The following STXBP6 variants were observed in gnomAD, a reference collection of about 807,000 sequenced individuals.
STXBP6 encodes syntaxin binding protein 6.
A neutral mutation model predicts 26.9 loss-of-function variants in STXBP6; 21 were observed. That is an observed-to-expected ratio of 0.78 (90% CI 0.55 to 1.12). The LOEUF (loss-of-function observed/expected upper bound fraction) is 1.12. STXBP6 is among the 50% of genes most tolerant of loss of function. STXBP6 has a pLI of 0.00. For synonymous variants in STXBP6, 97 were observed against 92.6 expected (o/e 1.05, Z -0.27); for missense variants, 232 against 257.9 (o/e 0.90, Z 0.69).
Position 24,819,156 on chromosome 14 carries a change from T to C in STXBP6, c.490A>G (p.Ser164Gly). ...GCCTGGCTTGCCTTCTGCACTGCGC[T>C]GGTCACGCTGTCAGCAGCTGAATGG... ...ILHSAADSVTSAVQKASQALN... is the reference protein window; with the variant it reads ...ILHSAADSVTGAVQKASQALN... Residue 164 changes from serine to glycine, a missense_variant, in exon 5 of 6, where the codon AGC becomes GGC. Coordinates refer to ENST00000323944, the MANE Select transcript of STXBP6 (RefSeq NM_001394410.1). 1 of 1,614,156 alleles carries C rather than the reference T, an allele frequency of 6.2e-7. No individual in the cohort carries two copies. The highest frequency in any genetic ancestry group is 8.5e-7 in the Non-Finnish European group (1 of 1,180,014).
intron 2 of STXBP6, among the ~76,000 whole-genome samples, chr14:24,894,776 G>A (rs1395695670): frequency 1.3e-5 from 2 of 152,182 alleles, no homozygotes; most frequent in African/African-American, 4.8e-5. Flanking sequence ...TGTGTACAAA[G>A]TGGTAGCTAG....
At chr14:24,982,550 A>G (rs1207979548) in intron 1 of STXBP6, among the ~76,000 whole-genome samples, 1 of 152,230 alleles carries the variant, frequency 6.6e-6, no homozygotes, top group East Asian at 1.9e-4. Flanking sequence ...AAGGAAGGAA[A>G]CGAGGAATTG....
At chr14:24,978,431 C>G (rs1262612288) in intron 1 of STXBP6, among the ~76,000 whole-genome samples, 2 of 152,178 alleles carry the variant, frequency 1.3e-5, no homozygotes, top group African/African-American at 4.8e-5. Context: ...GGATTTTTTT[C>G]TCTCCATCTA....
At chr14:24,969,506 C>T (rs1393993627) in intron 2 of STXBP6, among the ~76,000 whole-genome samples, 1 of 152,178 alleles carries the variant, frequency 6.6e-6, no homozygotes, top group Non-Finnish European at 1.5e-5. Flanking sequence ...TGACTATAGA[C>T]ATTGTTGTGG....
intron 1 of STXBP6, among the ~76,000 whole-genome samples, chr14:24,985,919 C>T (rs142591253): frequency 1.6e-4 from 24 of 152,244 alleles, no homozygotes; most frequent in African/African-American, 5.1e-4. Flanking sequence ...AGGGTGATTC[C>T]AAAGTCACAC....
chr14:25,035,552 G>A (rs570020131), intron 1 of STXBP6, among the ~76,000 whole-genome samples: 6 of 152,116 alleles, frequency 3.9e-5, no homozygotes, highest in East Asian at 3.9e-4. Context: ...AGTTTAGATC[G>A]CCAGATATTC....
chr14:24,920,914 G>A (rs2071954278), intron 2 of STXBP6, among the ~76,000 whole-genome samples: 1 of 152,104 alleles, frequency 6.6e-6, no homozygotes. Flanking sequence ...AGTAGCACAT[G>A]CTATGACCAC....
chr14:24,849,460 T>A (rs1359630399), intron 4 of STXBP6, among the ~76,000 whole-genome samples: 1 of 152,156 alleles, frequency 6.6e-6, no homozygotes, highest in Non-Finnish European at 1.5e-5. Context: ...CTTGTGCTTA[T>A]TAAGGGAACG....
intron 2 of STXBP6, among the ~76,000 whole-genome samples, chr14:24,875,564 G>A (rs1474169735): frequency 1.3e-5 from 2 of 152,154 alleles, no homozygotes; most frequent in African/African-American, 4.8e-5. Flanking sequence ...TTCATGCTAT[G>A]AGAAATCTAT....
intron 2 of STXBP6, among the ~76,000 whole-genome samples, chr14:24,888,176 A>G (rs527509900): frequency 1.3e-5 from 2 of 152,342 alleles, no homozygotes; most frequent in Non-Finnish European, 2.9e-5. Flanking sequence ...GACTAAGGAG[A>G]TTATCTTTTA....
In STXBP6 at chr14:24,809,982, A is replaced by G. The variant is rs558460550; in HGVS notation, c.*2727T>C. 3.9e-5 allele frequency: 6 copies of G among 152,352 alleles called. No homozygotes were observed. Among genetic ancestry groups the G allele is most frequent in the Non-Finnish European group, 7.3e-5 (5 of 68,032 alleles). 9.4% of individuals were successfully genotyped at this position (152,352 alleles called of 1,614,324 possible). On this transcript the variant is annotated 3_prime_UTR_variant, in exon 6 of 6. Transcript: ENST00000323944. ...TAATCTGAACTTCTTCAGAGCTTGA[A>G]AAAAGGTAACTACTGATCATGTTAC...
intron 2 of STXBP6, among the ~76,000 whole-genome samples, chr14:24,919,450 AC>A (rs1305009849): frequency 6.6e-6 from 1 of 151,866 alleles, no homozygotes; most frequent in Admixed American, 6.6e-5. Flanking sequence ...TAAAAAAAAA[AC>A]AAATTTTAAG....
At chr14:24,824,259 T>C (rs150031232) in intron 4 of STXBP6, among the ~76,000 whole-genome samples, 18 of 152,322 alleles carry the variant, frequency 1.2e-4, no homozygotes, top group African/African-American at 4.1e-4. Context: ...AGCTACTCAG[T>C]GTCAGTTAGA....
At chr14:24,846,909 G>C (rs372323216) in intron 4 of STXBP6, among the ~76,000 whole-genome samples, 10 of 152,198 alleles carry the variant, frequency 6.6e-5, no homozygotes, top group Non-Finnish European at 1.3e-4. Flanking sequence ...GAACAAAAAA[G>C]ACCATTTTAT....
At chr14:24,948,948 C>T (rs1022043980) in intron 2 of STXBP6, among the ~76,000 whole-genome samples, 2 of 152,070 alleles carry the variant, frequency 1.3e-5, no homozygotes, top group African/African-American at 4.8e-5. Flanking sequence ...ATCCTAAAAT[C>T]GATCCCAATT....
chr14:24,853,504 C>G (rs759444840), intron 4 of STXBP6, among the ~76,000 whole-genome samples: 4 of 152,028 alleles, frequency 2.6e-5, no homozygotes, highest in Non-Finnish European at 5.9e-5. Flanking sequence ...ATCTTTGATT[C>G]TTTAGATAAG....
chr14:24,866,804 C>G (rs2069739182), intron 2 of STXBP6, among the ~76,000 whole-genome samples: 1 of 151,450 alleles, frequency 6.6e-6, no homozygotes, highest in Non-Finnish European at 1.5e-5. Flanking sequence ...GGTCAGAAGA[C>G]TCAATATTAT....
intron 1 of STXBP6, among the ~76,000 whole-genome samples, chr14:25,008,490 A>G (rs923765337): frequency 4.6e-5 from 7 of 152,248 alleles, no homozygotes; most frequent in Non-Finnish European, 8.8e-5. Flanking sequence ...TCTCAAACAA[A>G]AAGAGTTCGT....
intron 1 of STXBP6, among the ~76,000 whole-genome samples, chr14:25,012,845 A>T (rs149664997): frequency 6.5e-4 from 99 of 152,314 alleles, no homozygotes; most frequent in African/African-American, 2.0e-3. Context: ...AAACTCAAAG[A>T]CTATTAAGGT....
Sources: gnomAD v4.1 joint callset for allele counts (sites outside exome capture counted in the v4.1 genomes callset) on GRCh38, gnomAD v4.1.1 for gene constraint, MANE v1.5 for transcripts, NCBI Gene and HGNC (gene_info 2026-07-23, HGNC 2026-07-21) for gene names.